The following HTATSF1 variants were observed in gnomAD, a reference collection of about 807,000 sequenced individuals.
HTATSF1 encodes HIV-1 Tat specific factor 1, also known as 17S U2 SnRNP complex component HTATSF1.
In HTATSF1, 6 loss-of-function variants were observed where a neutral mutation model predicts 46.1. That is an observed-to-expected ratio of 0.13 (90% CI 0.07 to 0.26). The LOEUF (loss-of-function observed/expected upper bound fraction) is 0.26, where lower values mean the gene tolerates loss of function less well. HTATSF1 is among the 10% of genes least tolerant of loss of function. The pLI is 1.00. For missense variants in HTATSF1, 452 were observed against 559.9 expected (o/e 0.81, Z 1.94); for synonymous variants, 226 against 211.5 (o/e 1.07, Z -0.60).
intron 7 of HTATSF1, among the ~76,000 whole-genome samples, 199 bp downstream of exon 7, chrX:136,509,379 T>G (rs866869849): frequency 1.8e-5 from 2 of 112,091 alleles, no homozygotes; most frequent in Middle Eastern, 4.6e-3. Context: ...TGGTATGCCT[T>G]GCTTATTTTC....
chrX:136,498,901 A>G (rs957903512), intron 1 of HTATSF1, among the ~76,000 whole-genome samples: 7 of 112,940 alleles, frequency 6.2e-5, no homozygotes, highest in Non-Finnish European at 1.1e-4. Flanking sequence ...CCTGCCTAAT[A>G]TTGATTGGTA....
At chrX:136,497,924 G>T in intron 1 of HTATSF1, 54 bp downstream of exon 1, 2 of 964,074 alleles carry the variant, frequency 2.1e-6, no homozygotes, top group Non-Finnish European at 2.8e-6. Context: ...CCAGCCTCGC[G>T]GGGCACTCCT....
At chrX:136,500,010 A>T in intron 2 of HTATSF1, 148 bp from the exon 3 acceptor site, 1 of 483,281 alleles carries the variant, frequency 2.1e-6, no homozygotes, top group African/African-American at 2.4e-5. Context: ...CTGGGTAGTG[A>T]TTTGAGTTAG....
intron 6 of HTATSF1, among the ~76,000 whole-genome samples, chrX:136,506,863 G>T (rs1469903472): frequency 1.8e-5 from 2 of 112,340 alleles, no homozygotes; most frequent in African/African-American, 6.5e-5. Context: ...TGTGCTGTCA[G>T]ATATGGTAGA....
chrX:136,499,228 A>G (rs756730806), intron 1 of HTATSF1, among the ~76,000 whole-genome samples: 2 of 112,301 alleles, frequency 1.8e-5, no homozygotes, highest in African/African-American at 6.5e-5. Context: ...GTTGGTTTTT[A>G]TTGTTTTATT....
rs767556556 is a variant in HTATSF1 at position 136,502,958 on chromosome X, C to T, written c.734+17C>T. The T allele has an allele frequency of 1.9e-6, 2 of 1,076,982 alleles. No homozygotes were observed. The highest frequency in any genetic ancestry group is 2.4e-6 in the Non-Finnish European group (2 of 818,020). The allele number at this position is 1,076,982 out of a possible 1,213,427, so 88.8% of individuals were successfully genotyped here. A position where few individuals can be genotyped will look rare whatever the true frequency, so the allele number is the denominator to read the frequency against. Reference sequence around the variant, plus strand: ...GCAACAAAAGTTTGTAATTTTTTTCCCTTTTGAAAGGTTCCATATATTCTA... The same window carrying T: ...GCAACAAAAGTTTGTAATTTTTTTCTCTTTTGAAAGGTTCCATATATTCTA... On this transcript the variant is annotated intron_variant, in intron 5 of 8. Transcript: ENST00000218364.
Position 136,499,691 on chromosome X carries a change from G to A in HTATSF1, c.280G>A (p.Ala94Thr). 1 of 1,202,380 alleles carries A rather than the reference G, an allele frequency of 8.3e-7. No individual in the cohort carries two copies. Among genetic ancestry groups the A allele is most frequent in the Non-Finnish European group, 1.1e-6 (1 of 891,896 alleles). Residue 94 changes from alanine to threonine, a missense_variant, in exon 2 of 9, where the codon GCT becomes ACT. Ala to Thr is a moderately conservative substitution (Grantham distance 58). Transcript: ENST00000218364. The part of the protein sequence containing the change: ...SSTANVEDVH[A>T]RTAEEPPQEK... ...TACCGCAAATGTTGAAGATGTCCAT[G>A]CTAGGACTGCAGAGGAACCTCCACA...
chrX:136,498,692 C>G (rs2075703648), intron 1 of HTATSF1, among the ~76,000 whole-genome samples: 1 of 112,453 alleles, frequency 8.9e-6, no homozygotes, highest in African/African-American at 3.2e-5. Context: ...TATATATATT[C>G]CAATCCCTCC....
At chrX:136,501,019 G>T (rs2075715784) in intron 4 of HTATSF1, among the ~76,000 whole-genome samples, 1 of 112,383 alleles carries the variant, frequency 8.9e-6, no homozygotes, top group Non-Finnish European at 1.9e-5. Flanking sequence ...TCAGGTAAAA[G>T]TATTATATAA....
In HTATSF1 at chrX:136,512,115, T is replaced by C. The variant is rs1166140138; in HGVS notation, c.*102T>C. ...CATGAACATGTGCATAGTGGTAGGATGCCATCAGATTAAAGCATTGAAGTG... is the reference window on the plus strand; with the variant it reads ...CATGAACATGTGCATAGTGGTAGGACGCCATCAGATTAAAGCATTGAAGTG... On this transcript the variant is annotated 3_prime_UTR_variant, in exon 9 of 9. Coordinates refer to ENST00000218364, the MANE Select transcript of HTATSF1 (RefSeq NM_014500.5). The C allele has an allele frequency of 5.8e-6, 5 of 867,540 alleles. No homozygotes were observed. The highest frequency in any genetic ancestry group is 8.0e-6 in the Non-Finnish European group (5 of 624,399). 71.5% of individuals were successfully genotyped at this position (867,540 alleles called of 1,213,427 possible). A position where few individuals can be genotyped will look rare whatever the true frequency, so the allele number is the denominator to read the frequency against.
At chrX:136,500,847 G>T in intron 4 of HTATSF1, 29 bp downstream of exon 4, 1 of 1,016,781 alleles carries the variant, frequency 9.8e-7, no homozygotes. Flanking sequence ...TAAGTTTCTT[G>T]TATCTTCGTT....
At chrX:136,497,429 G>T, upstream of HTATSF1, 1 of 126,713 alleles carries the variant, frequency 7.9e-6, no homozygotes, top group South Asian at 2.8e-4. Context: ...AGGCCCGGCG[G>T]AGCAAGCCAG....
rs757303348 is a variant in HTATSF1 at position 136,512,130 on chromosome X, G to A, written c.*117G>A. 1.3e-6 allele frequency: 1 copy of A among 767,572 alleles called. No individual in the cohort carries two copies. Among genetic ancestry groups the A allele is most frequent in the East Asian group, 3.2e-5 (1 of 31,122 alleles). 63.3% of individuals were successfully genotyped at this position (767,572 alleles called of 1,213,427 possible). A position where few individuals can be genotyped will look rare whatever the true frequency, so the allele number is the denominator to read the frequency against. On this transcript the variant is annotated 3_prime_UTR_variant, in exon 9 of 9. Transcript: ENST00000218364. ...AGTGGTAGGATGCCATCAGATTAAAGCATTGAAGTGTTTCATTGTTACCTG... is the reference window on the plus strand; with the variant it reads ...AGTGGTAGGATGCCATCAGATTAAAACATTGAAGTGTTTCATTGTTACCTG...
intron 2 of HTATSF1, 103 bp from the exon 3 acceptor site, chrX:136,500,055 G>A (rs749684849): frequency 1.6e-5 from 9 of 577,107 alleles, no homozygotes; most frequent in African/African-American, 2.3e-5. Context: ...CAGAAAGGTC[G>A]TCCTGGAAGT....
At position 136,502,850 on chromosome X, in the gene HTATSF1, G is replaced by A; in HGVS notation, c.643G>A (p.Val215Met). Residue 215 changes from valine (V) to methionine (M), a missense_variant, in exon 5 of 9, where the codon GTG (valine) becomes ATG (methionine). Physicochemically the swap from Val to Met is conservative, Grantham distance 21. Coordinates refer to ENST00000218364, the MANE Select transcript of HTATSF1 (RefSeq NM_014500.5). ...EIRGYKLHVE[V>M]AKFQLKGEYD... ...TAGAGGCTACAAATTACATGTTGAG[G>A]TGGCAAAGTTTCAACTGAAGGGAGA... 1 of 1,174,901 alleles carries A rather than the reference G, an allele frequency of 8.5e-7. No homozygotes were observed. Among genetic ancestry groups the A allele is most frequent in the Non-Finnish European group, 1.1e-6 (1 of 873,234 alleles).
At position 136,509,067 on chromosome X, in the gene HTATSF1, A is replaced by T. The variant is rs184196729; in HGVS notation, c.835-24A>T. 1.6e-5 allele frequency: 17 copies of T among 1,095,130 alleles called. No homozygotes were observed. In the East Asian group the frequency reaches 3.9e-4, roughly 25 times the overall value. The allele number at this position is 1,095,130 out of a possible 1,213,427, so 90.3% of individuals were successfully genotyped here. A position where few individuals can be genotyped will look rare whatever the true frequency, so the allele number is the denominator to read the frequency against. On this transcript the variant is annotated intron_variant, in intron 6 of 8. Transcript: ENST00000218364. ...TATAGTTAAAGAAGGGAGCAAACCC[A>T]TTTTAATCATGCATATTTTTCAGGA...
At chrX:136,506,628 G>A (rs1374425182) in intron 6 of HTATSF1, among the ~76,000 whole-genome samples, 3 of 112,728 alleles carry the variant, frequency 2.7e-5, no homozygotes, top group Non-Finnish European at 5.6e-5. Flanking sequence ...GCAAATGAAA[G>A]CAAATTTTCT....
At chrX:136,502,080 G>C (rs1004231360) in intron 4 of HTATSF1, among the ~76,000 whole-genome samples, 4 of 111,206 alleles carry the variant, frequency 3.6e-5, no homozygotes, top group Admixed American at 2.9e-4. Context: ...CTTTTCTACA[G>C]GTCCTCTGAT....
chrX:136,497,535 C>T (rs772012523), upstream of HTATSF1: 21 of 378,208 alleles, frequency 5.6e-5, no homozygotes, highest in Admixed American at 2.7e-4. Context: ...GCCGCGATTT[C>T]CCGGGGACTG....
Sources: gnomAD v4.1 joint callset for allele counts (sites outside exome capture counted in the v4.1 genomes callset) on GRCh38, gnomAD v4.1.1 for gene constraint, MANE v1.5 for transcripts, NCBI Gene and HGNC (gene_info 2026-07-23, HGNC 2026-07-21) for gene names.